Variants in NRIP1 observed in about 807,000 individuals in gnomAD.
The protein encoded by NRIP1 is nuclear receptor-interacting protein 1.
In NRIP1, 28 loss-of-function variants were observed where a neutral mutation model predicts 75.0. That is an observed-to-expected ratio of 0.37 (90% CI 0.28 to 0.51). The LOEUF is 0.51. Ranked by LOEUF, NRIP1 falls within the 20% of genes least tolerant of loss-of-function variation. The probability of loss-of-function intolerance (pLI) is 0.92; values close to 1 mark genes in which losing one functional copy is unlikely to be tolerated. For synonymous variants in NRIP1, 526 were observed against 487.6 expected (o/e 1.08, Z -1.04); for missense variants, 1,435 against 1,343.7 (o/e 1.07, Z -1.06).
chr21:15,059,226 C>T (rs2089371999), intron 1 of NRIP1, among the ~76,000 whole-genome samples: 2 of 152,154 alleles, frequency 1.3e-5, no homozygotes, highest in Admixed American at 6.5e-5. Flanking sequence ...GAACTCCGAG[C>T]TTAGTCACAC....
chr21:15,030,917 CTA>C (rs2088646612), intron 2 of NRIP1, among the ~76,000 whole-genome samples: 1 of 132,618 alleles, frequency 7.5e-6, no homozygotes, highest in Admixed American at 7.5e-5. Context: ...CATTCCCTTT[CTA>C]TGTGTGTACA....
intron 1 of NRIP1, among the ~76,000 whole-genome samples, chr21:15,053,772 A>G (rs1181656008): frequency 6.6e-6 from 1 of 152,222 alleles, no homozygotes; most frequent in Non-Finnish European, 1.5e-5. Context: ...GCAGGTGAAT[A>G]CACAGAAATA....
chr21:14,962,035 ATATATAT>A lies in NRIP1; in HGVS notation c.*2674_*2680del, dbSNP rs1568930129. The A allele has an allele frequency of 1.3e-4, 19 of 143,956 alleles. No individual in the cohort carries two copies. In the South Asian group the frequency reaches 1.9e-3, roughly 15 times the overall value. The allele number at this position is 143,956 out of a possible 1,614,324, so 8.9% of individuals were successfully genotyped here. On this transcript the variant is annotated 3_prime_UTR_variant, in exon 4 of 4. Coordinates refer to ENST00000318948, the MANE Select transcript of NRIP1 (RefSeq NM_003489.4). ...ACATATTATATATATATATATATATATATATATAAAATATATACTCTCACCAGTTTAC... is the reference window on the plus strand; with the variant it reads ...ACATATTATATATATATATATATATAAAAATATATACTCTCACCAGTTTAC...
At chr21:14,988,788 T>A (rs1350709988) in intron 3 of NRIP1, among the ~76,000 whole-genome samples, 1 of 152,112 alleles carries the variant, frequency 6.6e-6, no homozygotes, top group Non-Finnish European at 1.5e-5. Flanking sequence ...TCTTGACATC[T>A]GGAATTCAGA....
At chr21:14,988,523 A>G (rs559044903) in intron 3 of NRIP1, among the ~76,000 whole-genome samples, 7,373 of 137,968 alleles carry the variant, frequency 0.053, 240 homozygotes, top group Non-Finnish European at 0.082. Context: ...GTGTGTATAT[A>G]TATATATATA....
At chr21:15,065,055 C>A, upstream of NRIP1, 1 of 154,974 alleles carries the variant, frequency 6.5e-6, no homozygotes, top group Non-Finnish European at 1.4e-5. Flanking sequence ...GCGCTCCTCC[C>A]TCCGCCGCCG....
At chr21:15,024,470 A>C (rs1276625957) in intron 2 of NRIP1, among the ~76,000 whole-genome samples, 1 of 152,050 alleles carries the variant, frequency 6.6e-6, no homozygotes, top group Non-Finnish European at 1.5e-5. Context: ...TGAACCCAGG[A>C]GGCGGAGGTT....
intron 3 of NRIP1, among the ~76,000 whole-genome samples, chr21:14,975,975 C>A (rs2087054502): frequency 6.6e-6 from 1 of 152,078 alleles, no homozygotes; most frequent in Non-Finnish European, 1.5e-5. Flanking sequence ...AGGACACATT[C>A]ATTAAAACTT....
chr21:15,010,359 C>T (rs1239550966), intron 3 of NRIP1, among the ~76,000 whole-genome samples: 1 of 151,528 alleles, frequency 6.6e-6, no homozygotes, highest in Non-Finnish European at 1.5e-5. Flanking sequence ...ATTTTGATTC[C>T]TTCATTTGAA....
intron 2 of NRIP1, among the ~76,000 whole-genome samples, chr21:15,024,370 C>T (rs1362338883): frequency 1.3e-5 from 2 of 152,080 alleles, no homozygotes; most frequent in Non-Finnish European, 2.9e-5. Context: ...TGGTGAAACC[C>T]CGTCTCTACT....
chr21:15,056,775 T>C (rs1341880398), intron 1 of NRIP1, among the ~76,000 whole-genome samples: 1 of 152,214 alleles, frequency 6.6e-6, no homozygotes, highest in African/African-American at 2.4e-5. Context: ...TTCATCTTTG[T>C]GTCTCCAATA....
intron 3 of NRIP1, among the ~76,000 whole-genome samples, chr21:15,013,059 G>C (rs897289417): frequency 7.9e-5 from 12 of 152,008 alleles, no homozygotes; most frequent in Admixed American, 7.9e-4. Context: ...AAATATAAAA[G>C]CAGATTTCAG....
chr21:14,997,524 A>G (rs946941483), intron 3 of NRIP1, among the ~76,000 whole-genome samples: 2 of 151,948 alleles, frequency 1.3e-5, no homozygotes, highest in African/African-American at 4.8e-5. Context: ...AAAAATAGAC[A>G]TAAATGGTTG....
At chr21:14,990,222 C>T (rs984487291) in intron 3 of NRIP1, among the ~76,000 whole-genome samples, 1 of 152,184 alleles carries the variant, frequency 6.6e-6, no homozygotes, top group Non-Finnish European at 1.5e-5. Context: ...CACCCCTCCT[C>T]TTACATGGTT....
At position 14,968,487 on chromosome 21, in the gene NRIP1, C is replaced by T; in HGVS notation, c.-295G>A. 1 of 270,086 alleles carries T rather than the reference C, an allele frequency of 3.7e-6. No individual in the cohort carries two copies. The allele number at this position is 270,086 out of a possible 1,614,324, so 16.7% of individuals were successfully genotyped here. On this transcript the variant is annotated 5_prime_UTR_variant, in exon 4 of 4. Transcript: ENST00000318948. ...CTTAGTGAATATATTCCTTTTCCTT[C>T]TTCATCTTTTGTTCCCCATTAAATG...
At position 14,965,376 on chromosome 21, in the gene NRIP1, C is replaced by G. The variant is rs1224138229; in HGVS notation, c.2817G>C (p.Leu939=). 1 of 1,614,062 alleles carries G rather than the reference C, an allele frequency of 6.2e-7. No individual in the cohort carries two copies. The highest frequency in any genetic ancestry group is 1.1e-5 in the South Asian group (1 of 91,080). Residue 939 remains leucine (L), a synonymous_variant, in exon 4 of 4, where the codon CTG becomes CTC. Coordinates refer to ENST00000318948, the MANE Select transcript of NRIP1 (RefSeq NM_003489.4). ...CTCGCACACAGTTTTCTGAGAGAAG[C>G]AGCTGTTTCAGAACATTAAAGCTTT... ...ESKSFNVLKQ[L]LLSENCVRDL...
At position 14,965,845 on chromosome 21, in the gene NRIP1, C is replaced by A; in HGVS notation, c.2348G>T (p.Gly783Val). The A allele has an allele frequency of 6.2e-7, 1 of 1,614,000 alleles. No individual in the cohort carries two copies. The highest frequency in any genetic ancestry group is 8.5e-7 in the Non-Finnish European group (1 of 1,179,954). The change falls in exon 4 of 4, where the codon GGT (glycine) becomes GTT (valine). Residue 783 changes from glycine (G) to valine (V), a missense_variant. By Grantham distance (109) the Gly-to-Val change is moderately radical (BLOSUM62 -3). Transcript: ENST00000318948. Reference protein sequence around the residue: ...SHDAKSAPFLGMAPAVQRSAP... With the variant: ...SHDAKSAPFLVMAPAVQRSAP... ...GCTTCTCTGCACAGCAGGAGCCATA[C>A]CCAAGAATGGGGCACTCTTAGCATC...
intron 2 of NRIP1, among the ~76,000 whole-genome samples, chr21:15,020,509 ACT>A (rs2088347574): frequency 1.3e-5 from 2 of 152,160 alleles, no homozygotes; most frequent in Admixed American, 1.3e-4. Context: ...AATAGGATAA[ACT>A]CTTATGACCT....
rs187593113 is a variant in NRIP1 at position 15,011,291 on chromosome 21, G to A, written c.-335+3053C>T. ...TGCAAGCTCCACCTCCCGGGTTCAC[G>A]CCATTCTCCTGCCTCAGCCTCCCGA... On this transcript the variant is annotated intron_variant, in intron 3 of 3. Coordinates refer to ENST00000318948, the MANE Select transcript of NRIP1 (RefSeq NM_003489.4). 4.4e-3 allele frequency among the ~76,000 whole-genome samples: 668 copies of A among 152,176 alleles called. 6 individuals are homozygous for A. The highest frequency in any genetic ancestry group is 0.02 in the Middle Eastern group (6 of 294).
Sources: allele counts gnomAD v4.1 joint callset (sites outside exome capture counted in the v4.1 genomes callset), GRCh38; gene constraint gnomAD v4.1.1; transcripts MANE v1.5; gene names NCBI Gene and HGNC (gene_info 2026-07-23, HGNC 2026-07-21).